PDE8B: variants seen among roughly 807,000 people sequenced by gnomAD.
The protein encoded by PDE8B is high affinity cAMP-specific and IBMX-insensitive 3',5'-cyclic phosphodiesterase 8B.
In PDE8B, 26 loss-of-function variants were observed where a neutral mutation model predicts 101.3. The observed-to-expected ratio is 0.26, with a 90% CI of 0.19 to 0.36. PDE8B has a LOEUF of 0.36. Ranked by LOEUF, PDE8B falls within the 10% of genes least tolerant of loss-of-function variation. PDE8B has a pLI of 1.00. For missense variants in PDE8B, 810 were observed against 1,163.1 expected (o/e 0.70, Z 4.42); for synonymous variants, 424 against 429.3 (o/e 0.99, Z 0.15).
the PDE8B span, among the ~76,000 whole-genome samples, chr5:77,091,411 G>A: frequency 1.8e-3 from 274 of 152,274 alleles, no homozygotes; most frequent in African/African-American, 6.3e-3. Flanking sequence ...AGGCCCAGGC[G>A]AGTGGATCAC....
intron 10 of PDE8B, among the ~76,000 whole-genome samples, chr5:77,354,323 G>A (rs147329686): frequency 2.0e-5 from 3 of 152,170 alleles, no homozygotes; most frequent in Non-Finnish European, 2.9e-5. Context: ...ACGTCCATGT[G>A]CTCCTTTATA....
At chr5:77,381,971 C>A (rs1787562864) in intron 10 of PDE8B, among the ~76,000 whole-genome samples, 1 of 152,156 alleles carries the variant, frequency 6.6e-6, no homozygotes, top group African/African-American at 2.4e-5. Flanking sequence ...TGTGACATGA[C>A]ATTAACCTCA....
At chr5:77,392,334 T>C (rs1790114306) in intron 10 of PDE8B, among the ~76,000 whole-genome samples, 1 of 152,138 alleles carries the variant, frequency 6.6e-6, no homozygotes, top group Admixed American at 6.5e-5. Context: ...CTGACAACTC[T>C]AGTTGTCAGA....
At chr5:77,337,879 G>A (rs1046333946) in intron 6 of PDE8B, among the ~76,000 whole-genome samples, 2 of 152,198 alleles carry the variant, frequency 1.3e-5, no homozygotes, top group East Asian at 1.9e-4. Flanking sequence ...GATTCTCTGC[G>A]TGTCTGGCTG....
chr5:77,401,627 C>T (rs764905812), intron 11 of PDE8B, among the ~76,000 whole-genome samples: 12 of 151,846 alleles, frequency 7.9e-5, no homozygotes, highest in Non-Finnish European at 1.8e-4. Flanking sequence ...GTACATAGCA[C>T]AATGCCTGTC....
chr5:77,167,503 C>T, the PDE8B span, among the ~76,000 whole-genome samples: 1 of 152,082 alleles, frequency 6.6e-6, no homozygotes, highest in East Asian at 1.9e-4. Flanking sequence ...ATCAAGACAC[C>T]CTGGCCGATG....
chr5:77,405,498 G>A (rs959633708), intron 12 of PDE8B, among the ~76,000 whole-genome samples: 7 of 152,130 alleles, frequency 4.6e-5, no homozygotes, highest in East Asian at 1.9e-4. Context: ...CCTGGTACTC[G>A]GGGCTATAGA....
intron 1 of PDE8B, among the ~76,000 whole-genome samples, chr5:77,252,731 A>G (rs1281647871): frequency 2.6e-5 from 4 of 152,216 alleles, no homozygotes; most frequent in African/African-American, 9.7e-5. Flanking sequence ...TCATCTTATC[A>G]TTCCTCCTGG....
intron 1 of PDE8B, among the ~76,000 whole-genome samples, chr5:77,260,835 C>A (rs111289859): frequency 0.069 from 10,496 of 152,082 alleles, 428 homozygotes; most frequent in African/African-American, 0.1. Context: ...CTCAAGTGAT[C>A]CACCTGTCTC....
the PDE8B span, chr5:77,098,849 G>A: frequency 6.6e-6 from 1 of 152,062 alleles, no homozygotes; most frequent in Non-Finnish European, 1.5e-5. Flanking sequence ...GAGAGAGAGT[G>A]AGAAAGAGAG....
At chr5:77,236,746 G>A (rs2127387) in intron 1 of PDE8B, among the ~76,000 whole-genome samples, 79,550 of 151,910 alleles carry the variant, frequency 0.52, 22,605 homozygotes, top group East Asian at 0.83. Flanking sequence ...CACAAAGGAA[G>A]GGAAAAAAAT....
intron 1 of PDE8B, among the ~76,000 whole-genome samples, chr5:77,236,073 C>T (rs994071921): frequency 1.3e-5 from 2 of 152,168 alleles, no homozygotes; most frequent in African/African-American, 4.8e-5. Context: ...AGAGGATATT[C>T]TGGAAAGATA....
At chr5:77,120,069 A>G in the PDE8B span, among the ~76,000 whole-genome samples, 2 of 152,214 alleles carry the variant, frequency 1.3e-5, no homozygotes, top group Admixed American at 1.3e-4. Flanking sequence ...AAACTGTGGT[A>G]TGTTCATGCA....
At chr5:77,387,077 G>C (rs565072409) in intron 10 of PDE8B, among the ~76,000 whole-genome samples, 30 of 151,064 alleles carry the variant, frequency 2.0e-4, no homozygotes, top group Admixed American at 5.3e-4. Flanking sequence ...TAGAGACGGG[G>C]TTTCACCTTG....
At chr5:77,355,987 C>T (rs926310375) in intron 10 of PDE8B, among the ~76,000 whole-genome samples, 1 of 152,212 alleles carries the variant, frequency 6.6e-6, no homozygotes, top group East Asian at 1.9e-4. Context: ...TGCTTTCATA[C>T]TGTGGTGGCA....
chr5:77,246,618 T>G (rs1157348416), intron 1 of PDE8B: 1 of 152,202 alleles, frequency 6.6e-6, no homozygotes, highest in African/African-American at 2.4e-5. Flanking sequence ...CTGTGTTCAT[T>G]TATTTACTTA....
At chr5:77,266,159 G>A (rs553014036) in intron 1 of PDE8B, among the ~76,000 whole-genome samples, 1 of 152,326 alleles carries the variant, frequency 6.6e-6, no homozygotes, top group South Asian at 2.1e-4. Context: ...ACTTGCTAAT[G>A]TTTGTTTATG....
chr5:77,311,565 A>G lies in PDE8B; in HGVS notation c.340-429A>G, dbSNP rs547384285. 2.0e-4 allele frequency among the ~76,000 whole-genome samples: 30 copies of G among 152,358 alleles called. No homozygotes were observed. The South Asian group carries it at 6.0e-3, about 30-fold the overall frequency. Reference sequence around the variant, plus strand: ...ACCATACATGTGATTTAGCCTCAAGATTTGAGAGAAATGTTTATTCTCTTT... The same window carrying G: ...ACCATACATGTGATTTAGCCTCAAGGTTTGAGAGAAATGTTTATTCTCTTT... On this transcript the variant is annotated intron_variant, in intron 1 of 21. Coordinates refer to ENST00000264917, the MANE Select transcript of PDE8B (RefSeq NM_003719.5).
At chr5:77,129,641 T>G in the PDE8B span, among the ~76,000 whole-genome samples, 8 of 152,248 alleles carry the variant, frequency 5.3e-5, no homozygotes, top group Non-Finnish European at 1.0e-4. Flanking sequence ...AGTAATTTGC[T>G]GTGGATTGGC....
Sources: allele counts gnomAD v4.1 joint callset (sites outside exome capture counted in the v4.1 genomes callset), GRCh38; gene constraint gnomAD v4.1.1; transcripts MANE v1.5; gene names NCBI Gene and HGNC (gene_info 2026-07-23, HGNC 2026-07-21).